The following SGCG variants were observed in gnomAD, a reference collection of about 807,000 sequenced individuals.
The protein encoded by SGCG is sarcoglycan gamma.
Under a neutral mutation model 29.3 loss-of-function variants are expected in SGCG, and 26 were observed. The observed-to-expected ratio is 0.89, with a 90% CI of 0.65 to 1.23. The LOEUF is 1.23. Among genes scored for constraint, SGCG ranks in the 50% most tolerant of loss-of-function variants. The pLI is 0.00. For missense variants in SGCG, 353 were observed against 356.0 expected, an observed-to-expected ratio of 0.99 and a Z score of 0.07; for synonymous variants, 145 against 129.7, an observed-to-expected ratio of 1.12 and a Z score of -0.80.
chr13:23,193,629 G>T (rs1186598558), intron 1 of SGCG, among the ~76,000 whole-genome samples: 1 of 152,202 alleles, frequency 6.6e-6, no homozygotes, highest in African/African-American at 2.4e-5. Context: ...GGAAATTCAG[G>T]AGGTGAGGAG....
chr13:23,289,687 T>G (rs1881627626), intron 5 of SGCG, among the ~76,000 whole-genome samples: 1 of 152,206 alleles, frequency 6.6e-6, no homozygotes, highest in Non-Finnish European at 1.5e-5. Flanking sequence ...GCCATATTAT[T>G]TCATGATTTT....
At chr13:23,310,248 G>A (rs561905179) in intron 6 of SGCG, among the ~76,000 whole-genome samples, 12 of 151,684 alleles carry the variant, frequency 7.9e-5, no homozygotes, top group African/African-American at 1.4e-4. Flanking sequence ...CACCACACCC[G>A]GGTAATTTTT....
Position 23,324,223 on chromosome 13 carries a change from T to C in SGCG, c.703-145T>C. The C allele has an allele frequency of 9.5e-6, 7 of 734,614 alleles. 1 individual carries two copies. The South Asian group carries it at 1.1e-4, about 11-fold the overall frequency. The allele number at this position is 734,614 out of a possible 1,614,324, so 45.5% of individuals were successfully genotyped here. A position where few individuals can be genotyped will look rare whatever the true frequency, so the allele number is the denominator to read the frequency against. ...CTGGGCTTTAAAAGAATCGGATAAT[T>C]ACGAAATGAGTTACATAAAGTCAGG... On this transcript the variant is annotated intron_variant, in intron 7 of 7. Coordinates refer to ENST00000218867, the MANE Select transcript of SGCG (RefSeq NM_000231.3).
At chr13:23,217,398 A>G (rs1276903844) in intron 2 of SGCG, 1 of 152,012 alleles carries the variant, frequency 6.6e-6, no homozygotes, top group African/African-American at 2.4e-5. Context: ...TTTTGCCTTT[A>G]CAGTCTATTA....
chr13:23,267,013 C>A (rs769251731), intron 4 of SGCG, among the ~76,000 whole-genome samples: 10 of 152,230 alleles, frequency 6.6e-5, no homozygotes, highest in Non-Finnish European at 1.5e-4. Context: ...CATTTCAAAT[C>A]TGTGAAATAA....
At chr13:23,296,707 C>T (rs940564576) in intron 6 of SGCG, among the ~76,000 whole-genome samples, 6 of 152,056 alleles carry the variant, frequency 3.9e-5, no homozygotes, top group South Asian at 2.1e-4. Flanking sequence ...CTAGTTTATC[C>T]GACTTAGCAT....
chr13:23,228,408 C>T (rs1878981681), intron 2 of SGCG, among the ~76,000 whole-genome samples: 1 of 151,690 alleles, frequency 6.6e-6, no homozygotes, highest in Non-Finnish European at 1.5e-5. Flanking sequence ...TGAAAGGAAA[C>T]AGGTCATCTT....
intron 1 of SGCG, among the ~76,000 whole-genome samples, chr13:23,203,299 C>T (rs948396786): frequency 6.6e-6 from 1 of 152,136 alleles, no homozygotes; most frequent in Non-Finnish European, 1.5e-5. Context: ...GTTTGATTTT[C>T]CTCCCAATTA....
At chr13:23,324,197 A>T (rs185642864) in intron 7 of SGCG, among the ~76,000 whole-genome samples, 171 bp from the exon 8 acceptor site, 3 of 152,352 alleles carry the variant, frequency 2.0e-5, no homozygotes, top group East Asian at 1.9e-4. Flanking sequence ...GTAAAATAGA[A>T]CTGGGCTTTA....
chr13:23,279,876 C>T (rs899384831), intron 5 of SGCG, among the ~76,000 whole-genome samples: 2 of 151,994 alleles, frequency 1.3e-5, no homozygotes, highest in African/African-American at 2.4e-5. Context: ...TACAGGCACC[C>T]GCCACCATGC....
intron 4 of SGCG, among the ~76,000 whole-genome samples, chr13:23,274,395 C>CTTTTTTTTTTTTTTTTT (rs869153381): frequency 7.0e-5 from 6 of 85,250 alleles, no homozygotes; most frequent in East Asian, 3.8e-4. Flanking sequence ...CTTTCTTTCT[C>CTTTTTTTTTTTTTTTTT]TTTTTTTTTT....
At chr13:23,204,966 A>C (rs796112884) in intron 2 of SGCG, among the ~76,000 whole-genome samples, 3 of 152,148 alleles carry the variant, frequency 2.0e-5, no homozygotes, top group African/African-American at 7.2e-5. Flanking sequence ...GTTTTTACAT[A>C]TGCAAAGAGG....
At chr13:23,162,641 G>A in the SGCG span, among the ~76,000 whole-genome samples, 1 of 150,226 alleles carries the variant, frequency 6.7e-6, no homozygotes, top group Non-Finnish European at 1.5e-5. Flanking sequence ...AACGAGCCTG[G>A]GCATCATGGT....
intron 3 of SGCG, among the ~76,000 whole-genome samples, chr13:23,241,220 A>G (rs1209910007): frequency 6.6e-6 from 1 of 151,998 alleles, no homozygotes; most frequent in Non-Finnish European, 1.5e-5. Context: ...GAAGAAGAAC[A>G]TGTTAGACCA....
the SGCG span, among the ~76,000 whole-genome samples, chr13:23,161,396 A>G: frequency 6.6e-6 from 1 of 152,248 alleles, no homozygotes; most frequent in African/African-American, 2.4e-5. Flanking sequence ...ATAATATTGT[A>G]CAGGCGGATT....
At chr13:23,290,670 A>AG (rs1881670697) in intron 5 of SGCG, among the ~76,000 whole-genome samples, 1 of 152,148 alleles carries the variant, frequency 6.6e-6, no homozygotes, top group Non-Finnish European at 1.5e-5. Context: ...GAGAAATGGA[A>AG]TTTTTTTGGC....
intron 6 of SGCG, among the ~76,000 whole-genome samples, chr13:23,299,880 T>TTA (rs1253423837): frequency 6.6e-6 from 1 of 152,190 alleles, no homozygotes; most frequent in Non-Finnish European, 1.5e-5. Flanking sequence ...CAAAAGTGTA[T>TTA]TAAAGTGTTT....
At chr13:23,162,135 G>C in the SGCG span, among the ~76,000 whole-genome samples, 1 of 152,122 alleles carries the variant, frequency 6.6e-6, no homozygotes. Flanking sequence ...AGATAACCAG[G>C]ATAATAATAC....
intron 4 of SGCG, among the ~76,000 whole-genome samples, chr13:23,253,801 G>C (rs796350969): frequency 1.3e-5 from 2 of 152,160 alleles, no homozygotes; most frequent in Admixed American, 1.3e-4. Flanking sequence ...TGAAGAGTGG[G>C]TTATCACTCC....
Sources: gnomAD v4.1 joint callset for allele counts (sites outside exome capture counted in the v4.1 genomes callset) on GRCh38, gnomAD v4.1.1 for gene constraint, MANE v1.5 for transcripts, NCBI Gene and HGNC (gene_info 2026-07-23, HGNC 2026-07-21) for gene names.